CNTN3: variants seen among roughly 807,000 people sequenced by gnomAD.
CNTN3 encodes contactin-3.
CNTN3 carries 60 observed loss-of-function variants against 119.1 expected under a neutral mutation model. The ratio of observed to expected loss-of-function variants is 0.50; its 90% CI spans 0.41 to 0.62. The LOEUF is 0.62. Among genes scored for constraint, CNTN3 ranks in the 20% least tolerant of loss-of-function variants. The pLI, the probability that CNTN3 is intolerant of heterozygous loss-of-function variation, is 0.00. For missense variants in CNTN3, 1,101 were observed against 1,242.4 expected (o/e 0.89, Z 1.71); for synonymous variants, 450 against 438.7 (o/e 1.03, Z -0.32).
chr3:74,299,148 C>T (rs1702403031), intron 17 of CNTN3, among the ~76,000 whole-genome samples: 1 of 152,006 alleles, frequency 6.6e-6, no homozygotes, highest in Admixed American at 6.6e-5. Flanking sequence ...GTGGAGGTTG[C>T]AGTGAGCCAA....
At position 74,298,105 on chromosome 3, in the gene CNTN3, T is replaced by C. The variant is rs1702378849; in HGVS notation, c.2253A>G (p.Thr751=). The C allele has an allele frequency of 6.2e-7, 1 of 1,613,752 alleles. No homozygotes were observed. The highest frequency in any genetic ancestry group is 1.3e-5 in the African/African-American group (1 of 74,916). ...TTGGGGTGTCAGGGGATGTCACCAC[T>C]GTCTGGATCCAGGTGGTAACCCCAA... The part of the protein sequence containing the change: ...RPLGVTTWIQ[T]VVTSPDTPRY... Residue 751 remains threonine, a synonymous_variant, in exon 18 of 23, where the codon ACA becomes ACG. Transcript: ENST00000263665.
chr3:74,326,676 A>G (rs1703138313), intron 13 of CNTN3, among the ~76,000 whole-genome samples: 1 of 152,206 alleles, frequency 6.6e-6, no homozygotes, highest in South Asian at 2.1e-4. Flanking sequence ...AGTTGATACT[A>G]TTGGGTTTTG....
At chr3:74,309,443 T>C (rs1306436017) in intron 13 of CNTN3, among the ~76,000 whole-genome samples, 1 of 152,194 alleles carries the variant, frequency 6.6e-6, no homozygotes, top group Non-Finnish European at 1.5e-5. Context: ...TATTTAATGC[T>C]ACCTGTTGAG....
intron 4 of CNTN3, among the ~76,000 whole-genome samples, chr3:74,427,082 C>A (rs1368068588): frequency 6.6e-6 from 1 of 152,200 alleles, no homozygotes. Context: ...ATATAGCTGG[C>A]ACAGATCTGC....
chr3:74,478,824 A>G (rs1702707739), intron 4 of CNTN3, among the ~76,000 whole-genome samples: 1 of 152,282 alleles, frequency 6.6e-6, no homozygotes, highest in Non-Finnish European at 1.5e-5. Context: ...AACCTGGATA[A>G]AACAGTTCAT....
At position 74,522,906 on chromosome 3, in the gene CNTN3, C is replaced by A. The variant is rs74473228; in HGVS notation, c.-80-1714G>T. Among the ~76,000 whole-genome samples the A allele has an allele frequency of 7.2e-5, 11 of 151,870 alleles. No individual in the cohort carries two copies. The East Asian group carries it at 2.0e-3, about 27-fold the overall frequency. Reference sequence around the variant, plus strand: ...TGCTACACTGTGCATAGAAAACAGGCTTTTTGAAGTTATTTTTAACAGCAC... The same window carrying A: ...TGCTACACTGTGCATAGAAAACAGGATTTTTGAAGTTATTTTTAACAGCAC... On this transcript the variant is annotated intron_variant, in intron 1 of 22. Coordinates refer to ENST00000263665, the MANE Select transcript of CNTN3 (RefSeq NM_020872.3).
chr3:74,298,012 A>C lies in CNTN3; in HGVS notation c.2346T>G (p.Asn782Lys). 1 of 1,614,074 alleles carries C rather than the reference A, an allele frequency of 6.2e-7. No individual in the cohort carries two copies. The highest frequency in any genetic ancestry group is 8.5e-7 in the Non-Finnish European group (1 of 1,179,958). The change falls in exon 18 of 23, where the codon AAT (asparagine) becomes AAG (lysine). Residue 782 changes from asparagine to lysine, a missense_variant. Transcript: ENST00000263665. The stretch of plus-strand genomic sequence containing the variant: ...GGCTAAATGGTCCTTCACCTTTGTT[A>C]TTATAAACACCCACTTTAACTTCAT... Reference protein sequence around the residue: ...SPYEVKVGVYNNKGEGPFSPV... With the variant: ...SPYEVKVGVYKNKGEGPFSPV...
At chr3:74,381,928 G>T (rs933229837) in intron 5 of CNTN3, among the ~76,000 whole-genome samples, 1 of 152,078 alleles carries the variant, frequency 6.6e-6, no homozygotes, top group East Asian at 1.9e-4. Context: ...ATATTTATTG[G>T]CTGGGAGTGG....
intron 19 of CNTN3, among the ~76,000 whole-genome samples, chr3:74,286,983 TTGG>T (rs1702127459): frequency 1.3e-5 from 2 of 152,212 alleles, no homozygotes; most frequent in Non-Finnish European, 2.9e-5. Flanking sequence ...CTTGTCTGTC[TTGG>T]TTATCACCAT....
rs186279683 is a variant in CNTN3 at position 74,441,195 on chromosome 3, C to A, written c.359-16255G>T. ...TTAAAAACATCTAACCCAGAAAAAA[C>A]CCATCAACCTAATATACAGTTTTTT... On this transcript the variant is annotated intron_variant, in intron 4 of 22. Transcript: ENST00000263665. Among the ~76,000 whole-genome samples, 1,238 of 152,104 alleles carry A rather than the reference C, an allele frequency of 8.1e-3. 19 individuals are homozygous for A. The highest frequency in any genetic ancestry group is 0.029 in the African/African-American group (1,185 of 41,490).
At chr3:74,568,989 T>C (rs2106646152) in intron 1 of CNTN3, among the ~76,000 whole-genome samples, 1 of 152,294 alleles carries the variant, frequency 6.6e-6, no homozygotes, top group East Asian at 1.9e-4. Flanking sequence ...GATGGGTGGA[T>C]AAAGCTTACA....
intron 1 of CNTN3, among the ~76,000 whole-genome samples, chr3:74,562,668 T>C (rs1038071789): frequency 2.0e-5 from 3 of 152,130 alleles, no homozygotes; most frequent in Admixed American, 1.3e-4. Context: ...TCTGCTACCA[T>C]GGCTTCCACA....
intron 2 of CNTN3, among the ~76,000 whole-genome samples, chr3:74,508,137 T>A (rs920957022): frequency 6.6e-6 from 1 of 152,140 alleles, no homozygotes; most frequent in Non-Finnish European, 1.5e-5. Flanking sequence ...AACTGAATTA[T>A]GCGGACAGTT....
intron 1 of CNTN3, among the ~76,000 whole-genome samples, chr3:74,523,463 A>G (rs1006189603): frequency 3.3e-5 from 5 of 151,926 alleles, no homozygotes; most frequent in Non-Finnish European, 5.9e-5. Context: ...AACATGCACT[A>G]AAGTCTAGGG....
chr3:74,583,989 T>A (rs1302631229), intron 1 of CNTN3, among the ~76,000 whole-genome samples: 2 of 152,168 alleles, frequency 1.3e-5, no homozygotes, highest in East Asian at 3.9e-4. Flanking sequence ...TCTCTCTGAG[T>A]CTCAGCTTTT....
intron 1 of CNTN3, among the ~76,000 whole-genome samples, chr3:74,610,799 C>A (rs1291384207): frequency 6.6e-6 from 1 of 151,782 alleles, no homozygotes; most frequent in Non-Finnish European, 1.5e-5. Flanking sequence ...GGGAAGTGGG[C>A]GAATGTGAGA....
At chr3:74,391,280 T>G (rs959243476) in intron 5 of CNTN3, among the ~76,000 whole-genome samples, 1 of 146,592 alleles carries the variant, frequency 6.8e-6, no homozygotes, top group African/African-American at 2.5e-5. Flanking sequence ...ATGTGTAGAT[T>G]TGGTTACTAG....
intron 2 of CNTN3, among the ~76,000 whole-genome samples, chr3:74,503,705 AG>A (rs1422940944): frequency 1.3e-5 from 2 of 152,140 alleles, no homozygotes; most frequent in South Asian, 2.1e-4. Context: ...TGAAAACAGA[AG>A]GGGGCCTTTT....
chr3:74,555,611 A>C (rs1704057246), intron 1 of CNTN3, among the ~76,000 whole-genome samples: 1 of 152,150 alleles, frequency 6.6e-6, no homozygotes. Flanking sequence ...GCCTATTCAC[A>C]GATTAAACTT....
Sources: allele counts gnomAD v4.1 joint callset (sites outside exome capture counted in the v4.1 genomes callset), GRCh38; gene constraint gnomAD v4.1.1; transcripts MANE v1.5; gene names NCBI Gene and HGNC (gene_info 2026-07-23, HGNC 2026-07-21).